Variants in ATG5 observed in about 807,000 individuals in gnomAD.
ATG5 encodes the protein autophagy protein 5.
ATG5 carries 14 observed loss-of-function variants against 36.5 expected under a neutral mutation model. The observed-to-expected ratio is 0.38, with a 90% CI of 0.25 to 0.60. The LOEUF is 0.60. Among genes scored for constraint, ATG5 ranks in the 20% least tolerant of loss-of-function variants. ATG5 has a pLI of 0.60. For synonymous variants in ATG5, 95 were observed against 101.5 expected, an observed-to-expected ratio of 0.94 and a Z score of 0.38; for missense variants, 195 against 326.7, an observed-to-expected ratio of 0.60 and a Z score of 3.11.
At position 106,314,648 on chromosome 6, in the gene ATG5, T is replaced by A. The variant is rs191953392; in HGVS notation, c.108+1453A>T. On this transcript the variant is annotated intron_variant, in intron 2 of 7. Coordinates refer to ENST00000369076, the MANE Select transcript of ATG5 (RefSeq NM_004849.4). Reference sequence around the variant, plus strand: ...AATTTGGCCAAATATACTCTTATACTCTCACATACTCTTATATACTATTAC... The same window carrying A: ...AATTTGGCCAAATATACTCTTATACACTCACATACTCTTATATACTATTAC... Among the ~76,000 whole-genome samples the A allele has an allele frequency of 4.5e-3, 692 of 152,196 alleles. 7 individuals are homozygous for A. The highest frequency in any genetic ancestry group is 6.2e-3 in the Non-Finnish European group (419 of 68,030).
intron 4 of ATG5, among the ~76,000 whole-genome samples, chr6:106,285,446 T>C (rs932497458): frequency 6.6e-6 from 1 of 152,198 alleles, no homozygotes; most frequent in African/African-American, 2.4e-5. Context: ...GTGAATATGT[T>C]GTAAGGATTC....
intron 3 of ATG5, among the ~76,000 whole-genome samples, chr6:106,306,073 A>C (rs1190949936): frequency 1.3e-5 from 2 of 152,208 alleles, no homozygotes; most frequent in Non-Finnish European, 2.9e-5. Context: ...AACACCCCCA[A>C]AACTACCATA....
intron 4 of ATG5, among the ~76,000 whole-genome samples, chr6:106,289,840 C>T (rs978448949): frequency 4.6e-5 from 7 of 152,104 alleles, no homozygotes; most frequent in Non-Finnish European, 8.8e-5. Context: ...CCTTAATAGA[C>T]AACCAATGGA....
chr6:106,205,222 G>A (rs1776585364), intron 6 of ATG5, among the ~76,000 whole-genome samples: 1 of 152,134 alleles, frequency 6.6e-6, no homozygotes, highest in African/African-American at 2.4e-5. Context: ...AAGACAACTG[G>A]AGCTGGTGCA....
At chr6:106,217,160 A>G (rs1777072588) in intron 6 of ATG5, among the ~76,000 whole-genome samples, 1 of 152,322 alleles carries the variant, frequency 6.6e-6, no homozygotes, top group East Asian at 1.9e-4. Flanking sequence ...AACAAAGATC[A>G]GAGATACATT....
chr6:106,219,424 G>A (rs1777157741), intron 6 of ATG5, among the ~76,000 whole-genome samples: 1 of 152,126 alleles, frequency 6.6e-6, no homozygotes, highest in South Asian at 2.1e-4. Flanking sequence ...CCCTATCCAG[G>A]GGTTCTGCAT....
intron 5 of ATG5, among the ~76,000 whole-genome samples, chr6:106,279,047 A>G (rs1169787580): frequency 6.6e-6 from 1 of 152,222 alleles, no homozygotes; most frequent in Admixed American, 6.5e-5. Flanking sequence ...TGCATACTGG[A>G]ACCATGGAAA....
At chr6:106,309,340 G>A (rs1302966242) in intron 2 of ATG5, among the ~76,000 whole-genome samples, 1 of 152,094 alleles carries the variant, frequency 6.6e-6, no homozygotes, top group South Asian at 2.1e-4. Context: ...TCTGGTTGAA[G>A]GAATTTATAT....
At chr6:106,202,644 T>C (rs564554430) in intron 6 of ATG5, among the ~76,000 whole-genome samples, 1 of 152,180 alleles carries the variant, frequency 6.6e-6, no homozygotes, top group Non-Finnish European at 1.5e-5. Context: ...AGAAGTGCCA[T>C]GATATCCAAA....
At chr6:106,293,402 C>A (rs527951757) in intron 3 of ATG5, among the ~76,000 whole-genome samples, 30 of 152,260 alleles carry the variant, frequency 2.0e-4, no homozygotes, top group African/African-American at 7.2e-4. Flanking sequence ...ACTGTTGCAT[C>A]TAATTGTCAT....
At chr6:106,294,242 A>G (rs2114633346) in intron 3 of ATG5, among the ~76,000 whole-genome samples, 1 of 152,266 alleles carries the variant, frequency 6.6e-6, no homozygotes, top group Non-Finnish European at 1.5e-5. Context: ...AGTTACTCCT[A>G]GATTTAAGAG....
At chr6:106,258,968 C>A (rs1490139591) in intron 5 of ATG5, among the ~76,000 whole-genome samples, 2 of 152,100 alleles carry the variant, frequency 1.3e-5, no homozygotes, top group Non-Finnish European at 2.9e-5. Context: ...AGCCATAATT[C>A]TTCAATGAGT....
chr6:106,294,391 T>C (rs1016689221), intron 3 of ATG5, among the ~76,000 whole-genome samples: 1 of 151,934 alleles, frequency 6.6e-6, no homozygotes, highest in African/African-American at 2.4e-5. Flanking sequence ...CAAGGAGCAG[T>C]ACACATTTGC....
rs1381071223 is a variant in ATG5 at position 106,214,258 on chromosome 6, T to A, written c.574-12169A>T. Among the ~76,000 whole-genome samples the A allele has an allele frequency of 2.0e-5, 3 of 152,154 alleles. No homozygotes were observed. The East Asian group carries it at 5.8e-4, about 29-fold the overall frequency. On this transcript the variant is annotated intron_variant, in intron 6 of 7. Transcript: ENST00000369076. ...ATAAAAAGAACAGACCATTTCCAAA[T>A]GAATGCTTTTAGAGCTTTACAGTAA...
At chr6:106,268,883 G>A (rs2114573299) in intron 5 of ATG5, among the ~76,000 whole-genome samples, 1 of 151,768 alleles carries the variant, frequency 6.6e-6, no homozygotes, top group East Asian at 1.9e-4. Flanking sequence ...CTGTCGGTGG[G>A]TTGGGGGCAA....
At chr6:106,199,358 G>A (rs1436507671) in intron 7 of ATG5, among the ~76,000 whole-genome samples, 1 of 152,198 alleles carries the variant, frequency 6.6e-6, no homozygotes, top group Non-Finnish European at 1.5e-5. Flanking sequence ...AAAATGTGAT[G>A]TATCTACCCA....
intron 7 of ATG5, among the ~76,000 whole-genome samples, chr6:106,201,367 C>T (rs926287543): frequency 6.6e-6 from 1 of 151,258 alleles, no homozygotes; most frequent in African/African-American, 2.4e-5. Flanking sequence ...TCTGCATTTT[C>T]TTGGTGTTCT....
chr6:106,199,081 G>A (rs1776319794), intron 7 of ATG5, among the ~76,000 whole-genome samples: 1 of 152,204 alleles, frequency 6.6e-6, no homozygotes, highest in Non-Finnish European at 1.5e-5. Context: ...ACATGTGACT[G>A]AGGATGTGGA....
chr6:106,299,731 C>T (rs1770129948), intron 3 of ATG5, among the ~76,000 whole-genome samples: 1 of 152,154 alleles, frequency 6.6e-6, no homozygotes, highest in African/African-American at 2.4e-5. Flanking sequence ...AATGGATATT[C>T]TCAGAAGGGA....
Sources: allele counts gnomAD v4.1 joint callset (sites outside exome capture counted in the v4.1 genomes callset), GRCh38; gene constraint gnomAD v4.1.1; transcripts MANE v1.5; gene names NCBI Gene and HGNC (gene_info 2026-07-23, HGNC 2026-07-21).